Variants in MYRFL observed in about 807,000 individuals in gnomAD.
The protein encoded by MYRFL is myelin regulatory factor like.
In MYRFL, 88 loss-of-function variants were observed where a neutral mutation model predicts 109.4. That is an observed-to-expected ratio of 0.80 (90% CI 0.68 to 0.96). The LOEUF (loss-of-function observed/expected upper bound fraction) is 0.96, where lower values mean the gene tolerates loss of function less well. MYRFL is among the 40% of genes least tolerant of loss of function. The pLI is 0.00. For synonymous variants in MYRFL, 324 were observed against 320.9 expected (o/e 1.01, Z -0.10); for missense variants, 957 against 954.9 (o/e 1.00, Z -0.03).
chr12:69,893,624 T>C (rs1044374240), intron 7 of MYRFL, 140 bp from the exon 8 acceptor site: 5 of 335,918 alleles, frequency 1.5e-5, no homozygotes, highest in Non-Finnish European at 2.1e-5. Context: ...TATTGTCTTA[T>C]GTGTCTTTTC....
chr12:69,853,190 A>G (rs1051232035), intron 1 of MYRFL, among the ~76,000 whole-genome samples: 16 of 149,046 alleles, frequency 1.1e-4, no homozygotes, highest in Admixed American at 5.3e-4. Context: ...CATCTCCCGG[A>G]CGGGGCAGCT....
At chr12:69,923,560 C>G (rs1323881325) in intron 13 of MYRFL, among the ~76,000 whole-genome samples, 1 of 151,998 alleles carries the variant, frequency 6.6e-6, no homozygotes, top group Non-Finnish European at 1.5e-5. Flanking sequence ...TGGTTTATAG[C>G]ACTATTAACT....
At chr12:69,852,579 A>ATT (rs61145700) in intron 1 of MYRFL, among the ~76,000 whole-genome samples, 26,891 of 112,164 alleles carry the variant, frequency 0.24, 3,938 homozygotes, top group Middle Eastern at 0.35. Context: ...TTAATTTTTA[A>ATT]TTTTTTTTTT....
rs573239374 is a variant in MYRFL, at chr12:69,939,110, G to C, written c.2224+2478G>C. 3.5e-3 allele frequency among the ~76,000 whole-genome samples: 535 copies of C among 152,302 alleles called. 2 individuals carry two copies. Among genetic ancestry groups the C allele is most frequent in the Non-Finnish European group, 5.8e-3 (394 of 68,024 alleles). On this transcript the variant is annotated intron_variant, in intron 19 of 24. Transcript: ENST00000552032. ...CAAACTGCAAGGCGGCAGCGAGGCT[G>C]GGGGAGGGGCGCCCACCATTGCCCA...
At chr12:69,933,473 T>C (rs1955335628) in intron 16 of MYRFL, among the ~76,000 whole-genome samples, 1 of 152,110 alleles carries the variant, frequency 6.6e-6, no homozygotes. Context: ...CTGGGGCCCG[T>C]CTTAGGGGAG....
intron 10 of MYRFL, among the ~76,000 whole-genome samples, chr12:69,898,999 G>T (rs1954095445): frequency 6.6e-6 from 1 of 152,110 alleles, no homozygotes; most frequent in South Asian, 2.1e-4. Context: ...ATTCGTATTC[G>T]GTGTGAGTAC....
At chr12:69,938,391 C>T (rs1357669070) in intron 19 of MYRFL, among the ~76,000 whole-genome samples, 1 of 152,088 alleles carries the variant, frequency 6.6e-6, no homozygotes, top group Non-Finnish European at 1.5e-5. Flanking sequence ...GTAGACTGGT[C>T]CACTCTTCAT....
At chr12:69,892,582 T>A (rs1416171497) in intron 7 of MYRFL, among the ~76,000 whole-genome samples, 1 of 152,192 alleles carries the variant, frequency 6.6e-6, no homozygotes, top group Non-Finnish European at 1.5e-5. Flanking sequence ...GGCCTACATA[T>A]TTTATTCTGA....
intron 10 of MYRFL, among the ~76,000 whole-genome samples, chr12:69,898,293 T>G (rs762133751): frequency 5.3e-5 from 8 of 152,222 alleles, no homozygotes; most frequent in Non-Finnish European, 1.2e-4. Context: ...TGGAAATCCT[T>G]TAACTATGTC....
chr12:69,928,451 T>G (rs1429668476), intron 15 of MYRFL, among the ~76,000 whole-genome samples: 1 of 152,198 alleles, frequency 6.6e-6, no homozygotes, highest in Non-Finnish European at 1.5e-5. Context: ...AAGATATCCA[T>G]GACCTTAAAT....
intron 16 of MYRFL, among the ~76,000 whole-genome samples, chr12:69,932,880 TGTTTG>T: frequency 1.3e-5 from 2 of 150,688 alleles, no homozygotes; most frequent in Non-Finnish European, 3.0e-5. Context: ...TGTGTGTGTG[TGTTTG>T]TGTGTGTGTG....
chr12:69,928,487 T>C (rs1184915506), intron 15 of MYRFL, among the ~76,000 whole-genome samples: 1 of 152,254 alleles, frequency 6.6e-6, no homozygotes, highest in African/African-American at 2.4e-5. Context: ...GTTGACTTGA[T>C]GCTTGTGCCA....
intron 19 of MYRFL, among the ~76,000 whole-genome samples, chr12:69,940,070 G>A (rs944989841): frequency 5.3e-5 from 8 of 151,372 alleles, no homozygotes; most frequent in Admixed American, 2.6e-4. Flanking sequence ...CCAAATCTAC[G>A]TCTGACTGGT....
intron 2 of MYRFL, among the ~76,000 whole-genome samples, chr12:69,875,975 G>A (rs892504280): frequency 6.6e-6 from 1 of 152,104 alleles, no homozygotes; most frequent in African/African-American, 2.4e-5. Context: ...ACTTTGTCTC[G>A]GGAAGTAACT....
intron 19 of MYRFL, among the ~76,000 whole-genome samples, chr12:69,940,458 C>A (rs1456930257): frequency 6.8e-6 from 1 of 147,484 alleles, no homozygotes; most frequent in Non-Finnish European, 1.5e-5. Flanking sequence ...AACTAAGCTT[C>A]ATAAGTGAAG....
chr12:69,897,056 C>T (rs1954019795), intron 9 of MYRFL, 100 bp from the exon 10 acceptor site: 9 of 806,614 alleles, frequency 1.1e-5, no homozygotes, highest in African/African-American at 5.1e-5. Context: ...AAACTCTTCT[C>T]GATAAGTTCA....
At chr12:69,920,749 A>G (rs1205524210) in intron 13 of MYRFL, among the ~76,000 whole-genome samples, 1 of 152,212 alleles carries the variant, frequency 6.6e-6, no homozygotes, top group Non-Finnish European at 1.5e-5. Flanking sequence ...AGAGGGCTGT[A>G]GTGAAAGATG....
chr12:69,900,796 A>G (rs1240273), intron 10 of MYRFL, among the ~76,000 whole-genome samples: 57,582 of 152,006 alleles, frequency 0.38, 12,055 homozygotes, highest in East Asian at 0.71. Context: ...TTCTATTCCA[A>G]TAACCTGCAG....
intron 5 of MYRFL, among the ~76,000 whole-genome samples, chr12:69,881,592 C>A (rs1271776908): frequency 6.6e-6 from 1 of 152,202 alleles, no homozygotes; most frequent in Non-Finnish European, 1.5e-5. Context: ...GCTGTGGAGG[C>A]CTTCTGTGGA....
Sources: gnomAD v4.1 joint callset for allele counts (sites outside exome capture counted in the v4.1 genomes callset) on GRCh38, gnomAD v4.1.1 for gene constraint, MANE v1.5 for transcripts, NCBI Gene and HGNC (gene_info 2026-07-23, HGNC 2026-07-21) for gene names.